Variants in GRID2 observed in about 807,000 individuals in gnomAD.
The protein encoded by GRID2 is glutamate receptor ionotropic, delta-2.
A neutral mutation model predicts 114.8 loss-of-function variants in GRID2; 33 were observed. That is an observed-to-expected ratio of 0.29 (90% CI 0.22 to 0.38). The LOEUF (loss-of-function observed/expected upper bound fraction) is 0.38, where lower values mean the gene tolerates loss of function less well. Ranked by LOEUF, GRID2 falls within the 10% of genes least tolerant of loss-of-function variation. The pLI is 1.00. For synonymous variants in GRID2, 505 were observed against 449.9 expected, an observed-to-expected ratio of 1.12 and a Z score of -1.55; for missense variants, 1,184 against 1,257.7, an observed-to-expected ratio of 0.94 and a Z score of 0.89.
chr4:92,476,882 C>T (rs573339904), intron 1 of GRID2, among the ~76,000 whole-genome samples: 1 of 152,146 alleles, frequency 6.6e-6, no homozygotes, highest in African/African-American at 2.4e-5. Flanking sequence ...ACTTTTCTAT[C>T]TTTAATTTAT....
chr4:92,778,936 T>A (rs1315664496), intron 2 of GRID2, among the ~76,000 whole-genome samples: 3 of 152,082 alleles, frequency 2.0e-5, no homozygotes. Context: ...AATTGACAGG[T>A]TACCAAGATC....
chr4:93,463,927 T>C (rs1390908360), intron 11 of GRID2, among the ~76,000 whole-genome samples: 1 of 152,026 alleles, frequency 6.6e-6, no homozygotes, highest in East Asian at 1.9e-4. Flanking sequence ...AGGTGGAGCT[T>C]GCAGTGAGCC....
intron 8 of GRID2, among the ~76,000 whole-genome samples, chr4:93,392,144 C>CA: frequency 6.6e-6 from 1 of 152,098 alleles, no homozygotes; most frequent in South Asian, 2.1e-4. Context: ...GCTGCAAGGG[C>CA]CATCTTTATT....
intron 8 of GRID2, among the ~76,000 whole-genome samples, chr4:93,318,163 C>G (rs543636753): frequency 2.9e-4 from 44 of 151,094 alleles, no homozygotes; most frequent in Non-Finnish European, 5.9e-4. Flanking sequence ...TCCAATGACT[C>G]AAGTGATTTA....
intron 2 of GRID2, among the ~76,000 whole-genome samples, chr4:92,830,067 T>C (rs1334717494): frequency 1.3e-5 from 2 of 150,698 alleles, no homozygotes; most frequent in Admixed American, 6.6e-5. Flanking sequence ...CTGAACATTC[T>C]ACATATGTAT....
chr4:93,402,841 T>G (rs1030743811), intron 9 of GRID2, among the ~76,000 whole-genome samples: 1 of 152,172 alleles, frequency 6.6e-6, no homozygotes, highest in Non-Finnish European at 1.5e-5. Flanking sequence ...AATATATAAC[T>G]AAACAAATGC....
intron 2 of GRID2, among the ~76,000 whole-genome samples, chr4:92,824,812 T>C (rs913449294): frequency 1.3e-5 from 2 of 152,158 alleles, no homozygotes; most frequent in Non-Finnish European, 2.9e-5. Flanking sequence ...TACCTTTAGA[T>C]ATTGTTTTTT....
At chr4:93,022,640 AT>A (rs1225387395) in intron 2 of GRID2, among the ~76,000 whole-genome samples, 1 of 152,016 alleles carries the variant, frequency 6.6e-6, no homozygotes, top group African/African-American at 2.4e-5. Context: ...ACAAAATTGC[AT>A]CTTAATTTAC....
intron 2 of GRID2, among the ~76,000 whole-genome samples, chr4:92,809,598 A>C (rs1740570933): frequency 6.6e-6 from 1 of 151,950 alleles, no homozygotes; most frequent in Admixed American, 6.6e-5. Context: ...ATTTCGCAAT[A>C]CTCCTGATAG....
At chr4:92,553,096 C>T (rs1317640529) in intron 1 of GRID2, among the ~76,000 whole-genome samples, 1 of 152,124 alleles carries the variant, frequency 6.6e-6, no homozygotes. Flanking sequence ...GGGTGGGGAG[C>T]AAGGCTAAGA....
intron 4 of GRID2, among the ~76,000 whole-genome samples, chr4:93,190,377 ATCTTAT>A (rs1206229821): frequency 6.6e-6 from 1 of 152,124 alleles, no homozygotes; most frequent in Admixed American, 6.5e-5. Flanking sequence ...CTGCAGGAAA[ATCTTAT>A]TCTTTATCCA....
chr4:92,628,450 C>T (rs1321917067), intron 2 of GRID2, among the ~76,000 whole-genome samples: 2 of 152,028 alleles, frequency 1.3e-5, no homozygotes, highest in African/African-American at 4.8e-5. Context: ...CCTCCACCTC[C>T]CAGGTTCAAG....
intron 8 of GRID2, among the ~76,000 whole-genome samples, chr4:93,343,161 TG>T (rs1759835058): frequency 1.3e-5 from 2 of 151,824 alleles, no homozygotes; most frequent in Admixed American, 1.3e-4. Flanking sequence ...TGTGTGTGTG[TG>T]TGTGTGTGTG....
At chr4:93,055,827 A>G (rs557380858) in intron 2 of GRID2, among the ~76,000 whole-genome samples, 6 of 152,116 alleles carry the variant, frequency 3.9e-5, no homozygotes, top group African/African-American at 1.4e-4. Context: ...AAGAATATGT[A>G]TCCGCTGAAA....
chr4:92,313,620 G>C (rs1725822898), intron 1 of GRID2, among the ~76,000 whole-genome samples: 1 of 151,934 alleles, frequency 6.6e-6, no homozygotes, highest in African/African-American at 2.4e-5. Context: ...TGCAGGAAAA[G>C]AGAAATATTA....
chr4:92,739,170 C>A (rs1271156771), intron 2 of GRID2, among the ~76,000 whole-genome samples: 1 of 152,056 alleles, frequency 6.6e-6, no homozygotes, highest in Non-Finnish European at 1.5e-5. Flanking sequence ...CTCCACTGGC[C>A]TTGAGAAGTC....
intron 13 of GRID2, among the ~76,000 whole-genome samples, chr4:93,518,892 G>A (rs1037469464): frequency 2.0e-5 from 3 of 152,114 alleles, no homozygotes; most frequent in African/African-American, 4.8e-5. Context: ...TATGGATTCA[G>A]AAATAAGGGA....
intron 4 of GRID2, among the ~76,000 whole-genome samples, chr4:93,202,495 GT>G (rs1373630640): frequency 1.3e-5 from 2 of 152,146 alleles, no homozygotes; most frequent in East Asian, 3.8e-4. Context: ...GATAAGGAAT[GT>G]GGGAAAAGAA....
intron 2 of GRID2, among the ~76,000 whole-genome samples, chr4:92,863,094 T>C (rs1324823737): frequency 6.6e-6 from 1 of 152,096 alleles, no homozygotes; most frequent in Non-Finnish European, 1.5e-5. Flanking sequence ...TGTCTTGGAG[T>C]TATGCGTTGT....
Sources: allele counts gnomAD v4.1 joint callset (sites outside exome capture counted in the v4.1 genomes callset), GRCh38; gene constraint gnomAD v4.1.1; transcripts MANE v1.5; gene names NCBI Gene and HGNC (gene_info 2026-07-23, HGNC 2026-07-21).